The following TLL2 variants were observed in gnomAD, a reference collection of about 807,000 sequenced individuals.
TLL2 encodes tolloid-like protein 2.
Under a neutral mutation model 123.0 loss-of-function variants are expected in TLL2, and 106 were observed. The ratio of observed to expected loss-of-function variants is 0.86; its 90% CI spans 0.74 to 1.01. The LOEUF is 1.01. Ranked by LOEUF, TLL2 falls within the 50% of genes least tolerant of loss-of-function variation. The probability of loss-of-function intolerance (pLI) is 0.00; values close to 1 mark genes in which losing one functional copy is unlikely to be tolerated. For synonymous variants in TLL2, 494 were observed against 516.8 expected (o/e 0.96, Z 0.60); for missense variants, 1,332 against 1,336.7 (o/e 1.00, Z 0.06).
intron 1 of TLL2, among the ~76,000 whole-genome samples, chr10:96,484,614 C>CAT (rs1024093072): frequency 9.2e-5 from 14 of 151,862 alleles, no homozygotes; most frequent in African/African-American, 2.4e-4. Flanking sequence ...CACACACACA[C>CAT]ACACACACAC....
intron 7 of TLL2, 107 bp from the exon 8 acceptor site, chr10:96,413,423 GCCC>G: frequency 7.2e-7 from 1 of 1,389,546 alleles, no homozygotes; most frequent in South Asian, 1.4e-5. Flanking sequence ...CAACATTCCT[GCCC>G]CCTGGCCAGC....
At chr10:96,494,959 C>G (rs1847455380) in intron 1 of TLL2, among the ~76,000 whole-genome samples, 1 of 152,220 alleles carries the variant, frequency 6.6e-6, no homozygotes, top group African/African-American at 2.4e-5. Context: ...AGGTGACTCA[C>G]ATGGACACTG....
chr10:96,478,621 G>A (rs887158097), intron 2 of TLL2, among the ~76,000 whole-genome samples: 4 of 152,178 alleles, frequency 2.6e-5, no homozygotes, highest in South Asian at 2.1e-4. Flanking sequence ...ACCAGAGTCC[G>A]TTCATACAAT....
At chr10:96,488,550 C>T (rs1283387523) in intron 1 of TLL2, among the ~76,000 whole-genome samples, 1 of 152,198 alleles carries the variant, frequency 6.6e-6, no homozygotes, top group Non-Finnish European at 1.5e-5. Context: ...TCCAAGAAGG[C>T]CACGTGCCCT....
chr10:96,447,512 T>C (rs965189427), intron 2 of TLL2, among the ~76,000 whole-genome samples: 4 of 152,034 alleles, frequency 2.6e-5, no homozygotes, highest in Admixed American at 1.3e-4. Context: ...GGAACAGTCA[T>C]AGGCAGAGCT....
intron 15 of TLL2, among the ~76,000 whole-genome samples, chr10:96,385,834 G>A (rs990373581): frequency 6.6e-6 from 1 of 152,202 alleles, no homozygotes; most frequent in Non-Finnish European, 1.5e-5. Context: ...CTCCTTGGAT[G>A]TATCAGCGAC....
At chr10:96,443,846 C>T (rs943756420) in intron 3 of TLL2, among the ~76,000 whole-genome samples, 1 of 152,124 alleles carries the variant, frequency 6.6e-6, no homozygotes, top group African/African-American at 2.4e-5. Context: ...ATAAGCAAAG[C>T]AGAAAAACGC....
Position 96,470,593 on chromosome 10 carries a change from G to A in TLL2, c.286+9756C>T, listed in dbSNP as rs528351620. Among the ~76,000 whole-genome samples the A allele has an allele frequency of 3.3e-3, 510 of 152,302 alleles. 2 individuals carry two copies. Among genetic ancestry groups the A allele is most frequent in the Middle Eastern group, 0.014 (4 of 292 alleles). ...AGGGGAGTGATGGAGAGCCTAAGTC[G>A]TCAGCAGCTCAAGGGAACAGGGTTA... On this transcript the variant is annotated intron_variant, in intron 2 of 20. Transcript: ENST00000357947.
intron 1 of TLL2, among the ~76,000 whole-genome samples, chr10:96,481,459 A>G (rs1230105430): frequency 6.6e-6 from 1 of 152,206 alleles, no homozygotes; most frequent in Admixed American, 6.5e-5. Flanking sequence ...TCATTACTGG[A>G]GCACAGTCTC....
chr10:96,488,388 G>GC (rs1847377294), intron 1 of TLL2, among the ~76,000 whole-genome samples: 1 of 152,224 alleles, frequency 6.6e-6, no homozygotes, highest in South Asian at 2.1e-4. Flanking sequence ...AGCCCCCATG[G>GC]TGTGGGACTG....
At chr10:96,420,350 A>G (rs1252482551) in intron 7 of TLL2, among the ~76,000 whole-genome samples, 1 of 152,246 alleles carries the variant, frequency 6.6e-6, no homozygotes, top group African/African-American at 2.4e-5. Flanking sequence ...AGAACAGCTC[A>G]TCAGAACAGA....
intron 1 of TLL2, among the ~76,000 whole-genome samples, chr10:96,511,181 T>C (rs1021063181): frequency 1.4e-4 from 22 of 152,144 alleles, no homozygotes; most frequent in African/African-American, 4.8e-4. Flanking sequence ...TTCACTGAGA[T>C]AGAATGGGAG....
chr10:96,374,609 A>G (rs1846117906), intron 18 of TLL2: 1 of 152,214 alleles, frequency 6.6e-6, no homozygotes, highest in South Asian at 2.1e-4. Flanking sequence ...CAACATGCAG[A>G]TGGGGAAAAT....
At chr10:96,407,561 C>G (rs1004190477) in intron 9 of TLL2, among the ~76,000 whole-genome samples, 1 of 152,166 alleles carries the variant, frequency 6.6e-6, no homozygotes, top group Admixed American at 6.5e-5. Flanking sequence ...CATAGGCACT[C>G]GATAAATAGC....
chr10:96,495,179 G>A (rs1006231299), intron 1 of TLL2, among the ~76,000 whole-genome samples: 4 of 152,202 alleles, frequency 2.6e-5, no homozygotes, highest in Admixed American at 1.3e-4. Flanking sequence ...CAGGTTATTG[G>A]AGGAACTAAA....
At chr10:96,415,578 C>T (rs1846547353) in intron 7 of TLL2, among the ~76,000 whole-genome samples, 1 of 151,340 alleles carries the variant, frequency 6.6e-6, no homozygotes, top group African/African-American at 2.4e-5. Flanking sequence ...TACAGCACAG[C>T]AGACCTCAAA....
Position 96,410,481 on chromosome 10 carries a change from A to C in TLL2, c.1049-7T>G, listed in dbSNP as rs758432247. 2.5e-6 allele frequency: 4 copies of C among 1,611,080 alleles called. No homozygotes were observed. The African/African-American group carries it at 5.3e-5, about 22-fold the overall frequency. ...TGCAGGGTCTCCCCACACGCTGCAC[A>C]AGCAAAATCACAACTGTGATGTGGC... On this transcript the variant is annotated splice_polypyrimidine_tract_variant and splice_region_variant and intron_variant, in intron 8 of 20. Coordinates refer to ENST00000357947, the MANE Select transcript of TLL2 (RefSeq NM_012465.4).
At chr10:96,382,793 G>A (rs190506487) in intron 16 of TLL2, among the ~76,000 whole-genome samples, 1 of 152,172 alleles carries the variant, frequency 6.6e-6, no homozygotes, top group East Asian at 1.9e-4. Context: ...ATACATTTCT[G>A]TTCACTATAA....
intron 9 of TLL2, among the ~76,000 whole-genome samples, chr10:96,405,810 G>T (rs961579525): frequency 6.6e-6 from 1 of 152,172 alleles, no homozygotes; most frequent in African/African-American, 2.4e-5. Flanking sequence ...CTGAGGTGTG[G>T]TGTGTCTAAT....
Sources: gnomAD v4.1 joint callset for allele counts (sites outside exome capture counted in the v4.1 genomes callset) on GRCh38, gnomAD v4.1.1 for gene constraint, MANE v1.5 for transcripts, NCBI Gene and HGNC (gene_info 2026-07-23, HGNC 2026-07-21) for gene names.